GAPDH: variants seen among roughly 807,000 people sequenced by gnomAD.
The protein encoded by GAPDH is glyceraldehyde-3-phosphate dehydrogenase.
Under a neutral mutation model 31.2 loss-of-function variants are expected in GAPDH, and 13 were observed. That is an observed-to-expected ratio of 0.42 (90% CI 0.27 to 0.66). The LOEUF (loss-of-function observed/expected upper bound fraction) is 0.66, where lower values mean the gene tolerates loss of function less well. Among genes scored for constraint, GAPDH ranks in the 30% least tolerant of loss-of-function variants. GAPDH has a pLI of 0.26. For synonymous variants in GAPDH, 211 were observed against 166.9 expected, an observed-to-expected ratio of 1.26 and a Z score of -2.04; for missense variants, 300 against 443.7, an observed-to-expected ratio of 0.68 and a Z score of 2.91.
chr12:6,537,292 T>A lies in GAPDH; in HGVS notation c.444-17T>A. The A allele has an allele frequency of 6.2e-7, 1 of 1,600,694 alleles. No individual in the cohort carries two copies. The highest frequency in any genetic ancestry group is 8.5e-7 in the Non-Finnish European group (1 of 1,179,086). ...CACGCTCCCCTGACTTGCGCCCCGC[T>A]CCCTCTTTCTTTGCAGCAATGCCTC... On this transcript the variant is annotated splice_polypyrimidine_tract_variant and intron_variant, in intron 6 of 8. Transcript: ENST00000229239. The surrounding 1 kb of genome is among the most constrained non-coding windows in gnomAD (Gnocchi z 4.9).
intron 2 of GAPDH, chr12:6,535,500 C>T (rs779763218): frequency 1.1e-6 from 1 of 952,258 alleles, no homozygotes; most frequent in South Asian, 4.8e-5. Context: ...TATGGAGGTC[C>T]TCTTGTGTCC....
Position 6,537,878 on chromosome 12 carries a change from C to T in GAPDH, c.820C>T (p.Leu274=), listed in dbSNP as rs3203507. ...QASEGPLKGI[L]GYTEHQVVSS... ...GTCGGAGGGCCCCCTCAAGGGCATC[C>T]TGGGCTACACTGAGCACCAGGTGGT... is the stretch of plus-strand genomic sequence containing the variant. Residue 274 remains leucine (L), a synonymous_variant, in exon 8 of 9, where the codon CTG becomes TTG. Coordinates refer to ENST00000229239, the MANE Select transcript of GAPDH (RefSeq NM_002046.7). This position sits in a 1 kb window ranked among gnomAD's most constrained non-coding sequence, Gnocchi z 4.9. The T allele has an allele frequency of 1.9e-6, 3 of 1,613,666 alleles. No individual in the cohort carries two copies. Among genetic ancestry groups the T allele is most frequent in the Non-Finnish European group, 8.5e-7 (1 of 1,180,022 alleles).
chr12:6,537,158 C>G lies in GAPDH; in HGVS notation c.385C>G (p.Pro129Ala). 6.2e-7 allele frequency: 1 copy of G among 1,613,742 alleles called. No individual in the cohort carries two copies. The highest frequency in any genetic ancestry group is 8.5e-7 in the Non-Finnish European group (1 of 1,180,010). The change falls in exon 6 of 9, where the codon CCC (proline) becomes GCC (alanine). Residue 129 changes from proline to alanine, a missense_variant. Transcript: ENST00000229239. The surrounding 1 kb of genome is among the most constrained non-coding windows in gnomAD (Gnocchi z 4.9). ...VIISAPSADA[P>A]MFVMGVNHEK... ...CATCTCTGCCCCCTCTGCTGATGCC[C>G]CCATGTTCGTCATGGGTGTGAACCA...
At position 6,534,529 on chromosome 12, in the gene GAPDH, T is replaced by C. The variant is rs1237587490; in HGVS notation, c.-64T>C. 1.5e-5 allele frequency: 7 copies of C among 473,376 alleles called. No individual in the cohort carries two copies. Among genetic ancestry groups the C allele is most frequent in the African/African-American group, 2.1e-5 (1 of 47,168 alleles). 29.3% of individuals were successfully genotyped at this position (473,376 alleles called of 1,614,324 possible). ...AGCCTCCCGCTTCGCTCTCTGCTCC[T>C]CCTGTTCGACAGTCAGCCGCATCTT... On this transcript the variant is annotated 5_prime_UTR_variant, in exon 1 of 9. Coordinates refer to ENST00000229239, the MANE Select transcript of GAPDH (RefSeq NM_002046.7).
chr12:6,536,817 TG>T (rs1320390753), intron 4 of GAPDH, 27 bp downstream of exon 4: 3 of 1,604,744 alleles, frequency 1.9e-6, no homozygotes, highest in Non-Finnish European at 2.6e-6. Context: ...ATGGAAGAAA[TG>T]TGCTTTGGGG....
chr12:6,536,230 G>A lies in GAPDH; in HGVS notation c.30-264G>A, dbSNP rs374220700. On this transcript the variant is annotated intron_variant, in intron 2 of 8. Coordinates refer to ENST00000229239, the MANE Select transcript of GAPDH (RefSeq NM_002046.7). ...AAAGCTTGTGCCCAGACTGTGGGTG[G>A]CAGTGCCCCACATGGCCGCTTCTCC... 3.3e-5 allele frequency among the ~76,000 whole-genome samples: 5 copies of A among 152,340 alleles called. No homozygotes were observed. The East Asian group carries it at 9.6e-4, about 29-fold the overall frequency.
Position 6,534,555 on chromosome 12 carries a change from C to G in GAPDH, c.-38C>G, listed in dbSNP as rs11549332. ...CCTGTTCGACAGTCAGCCGCATCTT[C>G]TTTTGCGTCGCCAGGTGAAGACGGG... On this transcript the variant is annotated 5_prime_UTR_variant, in exon 1 of 9. Transcript: ENST00000229239. The G allele has an allele frequency of 5.8e-6, 3 of 521,334 alleles. No homozygotes were observed. Among genetic ancestry groups the G allele is most frequent in the Non-Finnish European group, 1.0e-5 (3 of 292,408 alleles). 32.3% of individuals were successfully genotyped at this position (521,334 alleles called of 1,614,324 possible). A position where few individuals can be genotyped will look rare whatever the true frequency, so the allele number is the denominator to read the frequency against.
chr12:6,536,661 C>G, intron 3 of GAPDH, 23 bp from the exon 4 acceptor site: 1 of 1,604,884 alleles, frequency 6.2e-7, no homozygotes, highest in Non-Finnish European at 8.5e-7. Flanking sequence ...GCAGCCCCTT[C>G]ATACCCTCAC....
Position 6,537,543 on chromosome 12 carries a change from T to C in GAPDH, c.526-41T>C. 6.3e-7 allele frequency: 1 copy of C among 1,593,396 alleles called. No individual in the cohort carries two copies. The highest frequency in any genetic ancestry group is 8.6e-7 in the Non-Finnish European group (1 of 1,169,184). Reference sequence around the variant, plus strand: ...CAAGGTGGGGAGGGAGGTAGAGGGGTGATGTGGGGAGTACGCTGCAGGGCC... The same window carrying C: ...CAAGGTGGGGAGGGAGGTAGAGGGGCGATGTGGGGAGTACGCTGCAGGGCC... On this transcript the variant is annotated intron_variant, in intron 7 of 8. Transcript: ENST00000229239. The surrounding 1 kb of genome is among the most constrained non-coding windows in gnomAD (Gnocchi z 4.9).
intron 8 of GAPDH, 50 bp downstream of exon 8, chr12:6,538,046 G>A (rs183915268): frequency 2.1e-5 from 34 of 1,597,186 alleles, no homozygotes; most frequent in Admixed American, 3.6e-5. Flanking sequence ...AGGGTCTGGC[G>A]CCCTCTGGTG....
At chr12:6,536,361 A>G in intron 2 of GAPDH, 133 bp from the exon 3 acceptor site, 1 of 690,076 alleles carries the variant, frequency 1.4e-6, no homozygotes, top group Non-Finnish European at 2.6e-6. Flanking sequence ...GGGAGATAAA[A>G]TTCAACCTCT....
intron 2 of GAPDH, chr12:6,535,069 C>A (rs1043369619): frequency 1.4e-4 from 110 of 774,728 alleles, no homozygotes; most frequent in Admixed American, 2.3e-4. Flanking sequence ...GCGCCATCTG[C>A]CCGGAGCCTC....
rs774531550 is a variant in GAPDH, at chr12:6,537,714, A to G, written c.656A>G (p.Lys219Arg). Residue 219 changes from lysine (K) to arginine (R), a missense_variant, in exon 8 of 9, where the codon AAG (lysine) becomes AGG (arginine). By Grantham distance (26) the Lys-to-Arg change is conservative. Coordinates refer to ENST00000229239, the MANE Select transcript of GAPDH (RefSeq NM_002046.7). This position sits in a 1 kb window ranked among gnomAD's most constrained non-coding sequence, Gnocchi z 4.9. ...ASTGAAKAVG[K>R]VIPELNGKLT... ...ACTGGCGCTGCCAAGGCTGTGGGCA[A>G]GGTCATCCCTGAGCTGAACGGGAAG... The G allele has an allele frequency of 1.2e-6, 2 of 1,611,576 alleles. No homozygotes were observed. Among genetic ancestry groups the G allele is most frequent in the Non-Finnish European group, 1.7e-6 (2 of 1,179,872 alleles).
rs896028822 is a variant in GAPDH, at chr12:6,535,754, C to T, written c.30-740C>T. On this transcript the variant is annotated intron_variant, in intron 2 of 8. Transcript: ENST00000229239. ...GTCTGGGCGCCTCGGGGAACCTGCC[C>T]TTCTCCCCATTCCGTCTTCCGGAAA... Among the ~76,000 whole-genome samples, 5 of 152,274 alleles carry T rather than the reference C, an allele frequency of 3.3e-5. No individual in the cohort carries two copies. In the East Asian group the frequency reaches 5.8e-4, roughly 18 times the overall value.
In GAPDH at chr12:6,536,714, GGC is replaced by G; in HGVS notation, c.161_162del (p.Gly54GlufsTer9). On this transcript the variant is annotated frameshift_variant, in exon 4 of 9. Transcript: ENST00000229239. LOFTEE classifies it high-confidence loss of function. ...VYMFQYDSTHGKFHGTVKAEN... is the reference protein window; with the variant it reads ...VYMFQYDSTHXKFHGTVKAEN... ...CATGTTCCAATATGATTCCACCCAT[GGC>G]AAATTCCATGGCACCGTCAAGGCTG... is the stretch of plus-strand genomic sequence containing the variant. The G allele has an allele frequency of 6.2e-7, 1 of 1,613,968 alleles. No homozygotes were observed. The highest frequency in any genetic ancestry group is 8.5e-7 in the Non-Finnish European group (1 of 1,179,966).
chr12:6,537,494 A>G lies in GAPDH; in HGVS notation c.526-90A>G. ...AACCCTGGGGTTGGGGGTTCTGGGG[A>G]CTGGCTTTCCCATAATTTCCTTTCA... On this transcript the variant is annotated intron_variant, in intron 7 of 8. Coordinates refer to ENST00000229239, the MANE Select transcript of GAPDH (RefSeq NM_002046.7). The surrounding 1 kb of genome is among the most constrained non-coding windows in gnomAD (Gnocchi z 4.9). 6.3e-7 allele frequency: 1 copy of G among 1,583,644 alleles called. No individual in the cohort carries two copies. Among genetic ancestry groups the G allele is most frequent in the South Asian group, 1.1e-5 (1 of 88,240 alleles).
rs368740142 is a variant in GAPDH, at chr12:6,537,145, C to G, written c.372C>G (p.Pro124=). 2.2e-5 allele frequency: 35 copies of G among 1,613,818 alleles called. No homozygotes were observed. In the African/African-American group the frequency reaches 4.1e-4, roughly 19 times the overall value. Residue 124 remains proline (P), a synonymous_variant, in exon 6 of 9, where the codon CCC becomes CCG. Transcript: ENST00000229239. This position sits in a 1 kb window ranked among gnomAD's most constrained non-coding sequence, Gnocchi z 4.9. ...GGAKRVIISA[P]SADAPMFVMG... ...CCAAAAGGGTCATCATCTCTGCCCCCTCTGCTGATGCCCCCATGTTCGTCA... is the reference window on the plus strand; with the variant it reads ...CCAAAAGGGTCATCATCTCTGCCCCGTCTGCTGATGCCCCCATGTTCGTCA...
At position 6,537,273 on chromosome 12, in the gene GAPDH, C is replaced by T; in HGVS notation, c.444-36C>T. 6 of 1,598,994 alleles carry T rather than the reference C, an allele frequency of 3.8e-6. No homozygotes were observed. The highest frequency in any genetic ancestry group is 5.1e-6 in the Non-Finnish European group (6 of 1,177,138). On this transcript the variant is annotated intron_variant, in intron 6 of 8. Transcript: ENST00000229239. The surrounding 1 kb of genome is among the most constrained non-coding windows in gnomAD (Gnocchi z 4.9). ...CAGCCTGGCACCCTATGGACACGCTCCCCTGACTTGCGCCCCGCTCCCTCT... is the reference window on the plus strand; with the variant it reads ...CAGCCTGGCACCCTATGGACACGCTTCCCTGACTTGCGCCCCGCTCCCTCT...
At chr12:6,535,167 T>C (rs45592849) in intron 2 of GAPDH, 15,237 of 1,087,682 alleles carry the variant, frequency 0.014, 122 homozygotes, top group Middle Eastern at 0.026. Context: ...TTCTTTCCTT[T>C]CGCGCTCTGC....
Sources: gnomAD v4.1 joint callset for allele counts (sites outside exome capture counted in the v4.1 genomes callset) on GRCh38, gnomAD v4.1.1 for gene constraint, Gnocchi (gnomAD v3.1) non-coding constraint, MANE v1.5 for transcripts, NCBI Gene and HGNC (gene_info 2026-07-23, HGNC 2026-07-21) for gene names.